CCDC171: variants seen among roughly 807,000 people sequenced by gnomAD.
CCDC171 encodes the protein coiled-coil domain-containing protein 171.
A neutral mutation model predicts 168.2 loss-of-function variants in CCDC171; 177 were observed. That is an observed-to-expected ratio of 1.05 (90% CI 0.93 to 1.19). The LOEUF (loss-of-function observed/expected upper bound fraction) is 1.19, where lower values mean the gene tolerates loss of function less well. CCDC171 is among the 50% of genes most tolerant of loss of function. CCDC171 has a pLI of 0.00. For missense variants in CCDC171, 1,991 were observed against 1,539.0 expected (o/e 1.29, Z -4.91); for synonymous variants, 687 against 540.8 (o/e 1.27, Z -3.75).
intron 16 of CCDC171, among the ~76,000 whole-genome samples, chr9:15,733,727 C>G (rs2054297495): frequency 1.4e-5 from 1 of 70,378 alleles, no homozygotes. Context: ...CTTTTTTCAT[C>G]AATGTCCTGA....
At chr9:15,571,577 G>T (rs1452323071) in intron 2 of CCDC171, 47 bp from the exon 3 acceptor site, 2 of 1,409,238 alleles carry the variant, frequency 1.4e-6, no homozygotes, top group Non-Finnish European at 9.5e-7. Flanking sequence ...GCTCTGAAAT[G>T]TGCTTTATGA....
intron 7 of CCDC171, among the ~76,000 whole-genome samples, chr9:15,646,697 C>T (rs2047067898): frequency 6.6e-6 from 1 of 152,168 alleles, no homozygotes; most frequent in Non-Finnish European, 1.5e-5. Context: ...ACAAGAAGAG[C>T]TAACTATCCT....
At chr9:15,964,175 T>C (rs1362952732) in intron 25 of CCDC171, among the ~76,000 whole-genome samples, 1 of 152,200 alleles carries the variant, frequency 6.6e-6, no homozygotes, top group Non-Finnish European at 1.5e-5. Flanking sequence ...TTTAGAGTTT[T>C]CTCTTACAAC....
At chr9:15,636,198 G>T (rs1388439568) in intron 7 of CCDC171, among the ~76,000 whole-genome samples, 1 of 152,070 alleles carries the variant, frequency 6.6e-6, no homozygotes, top group Non-Finnish European at 1.5e-5. Context: ...GGAGGAAACT[G>T]GGTATGGAGT....
the CCDC171 span, among the ~76,000 whole-genome samples, chr9:16,078,136 C>T: frequency 5.3e-5 from 8 of 151,770 alleles, no homozygotes; most frequent in East Asian, 3.9e-4. Flanking sequence ...GGCTTGATTG[C>T]GGTCATTTCA....
intron 3 of CCDC171, among the ~76,000 whole-genome samples, chr9:15,574,727 G>A (rs1402616596): frequency 6.6e-6 from 1 of 152,198 alleles, no homozygotes; most frequent in Non-Finnish European, 1.5e-5. Flanking sequence ...GCCTTATCAG[G>A]TATTCCTAAT....
intron 25 of CCDC171, among the ~76,000 whole-genome samples, chr9:15,936,690 G>C (rs551013913): frequency 6.6e-6 from 1 of 151,948 alleles, no homozygotes; most frequent in East Asian, 1.9e-4. Flanking sequence ...GAGCCACTGC[G>C]CTCCAGGCAT....
At chr9:16,038,155 C>A (rs984332078), upstream of CCDC171, among the ~76,000 whole-genome samples, 1 of 152,106 alleles carries the variant, frequency 6.6e-6, no homozygotes, top group East Asian at 1.9e-4. Context: ...TAGGAAAAAT[C>A]ACTATCGGTT....
intron 7 of CCDC171, among the ~76,000 whole-genome samples, chr9:15,644,394 T>C (rs1461785760): frequency 6.6e-6 from 1 of 152,032 alleles, no homozygotes; most frequent in Non-Finnish European, 1.5e-5. Context: ...AGATGGTGGG[T>C]GCAGGACAGT....
At chr9:15,630,884 A>G (rs2045624166) in intron 7 of CCDC171, among the ~76,000 whole-genome samples, 1 of 152,242 alleles carries the variant, frequency 6.6e-6, no homozygotes, top group Non-Finnish European at 1.5e-5. Flanking sequence ...AAACTGCTCA[A>G]CTACATGGAA....
intron 2 of CCDC171, among the ~76,000 whole-genome samples, chr9:15,565,084 C>T (rs546294351): frequency 7.4e-6 from 1 of 135,764 alleles, no homozygotes; most frequent in Non-Finnish European, 1.6e-5. Flanking sequence ...ACCCACCCCC[C>T]ACTTTTTTTT....
intron 3 of CCDC171, among the ~76,000 whole-genome samples, chr9:16,013,082 C>G (rs1832914275): frequency 6.6e-6 from 1 of 152,176 alleles, no homozygotes; most frequent in South Asian, 2.1e-4. Context: ...ATGTCCCCAA[C>G]TCTCTTCCTT....
chr9:15,563,221 C>T (rs900868269), intron 1 of CCDC171, among the ~76,000 whole-genome samples: 1 of 151,690 alleles, frequency 6.6e-6, no homozygotes, highest in African/African-American at 2.4e-5. Flanking sequence ...TCACTGCAAC[C>T]TCCGCCTCCC....
intron 6 of CCDC171, among the ~76,000 whole-genome samples, chr9:15,618,687 T>C (rs2044274469): frequency 1.3e-5 from 2 of 152,042 alleles, no homozygotes; most frequent in African/African-American, 4.8e-5. Context: ...ATTGCAAAAA[T>C]CCATGGGAAA....
the CCDC171 span, among the ~76,000 whole-genome samples, chr9:16,089,010 G>T: frequency 6.6e-6 from 1 of 152,082 alleles, no homozygotes; most frequent in African/African-American, 2.4e-5. Context: ...TACCAAAACA[G>T]ATATATAGAC....
chr9:15,571,002 A>G (rs888706996), intron 2 of CCDC171, among the ~76,000 whole-genome samples: 1 of 152,134 alleles, frequency 6.6e-6, no homozygotes, highest in Non-Finnish European at 1.5e-5. Flanking sequence ...CAGACTTTCA[A>G]ATAATTCTCC....
intron 14 of CCDC171, among the ~76,000 whole-genome samples, chr9:15,726,789 T>A (rs1294506489): frequency 6.6e-6 from 1 of 152,110 alleles, no homozygotes; most frequent in Non-Finnish European, 1.5e-5. Flanking sequence ...TTTAAGTTTG[T>A]CTCTTTTAAA....
chr9:15,599,622 G>A (rs2042669446), intron 6 of CCDC171, among the ~76,000 whole-genome samples: 1 of 152,082 alleles, frequency 6.6e-6, no homozygotes, highest in Non-Finnish European at 1.5e-5. Flanking sequence ...TGACAATTAT[G>A]TGTCTTGGAG....
At chr9:15,957,811 C>T (rs1445740317) in intron 25 of CCDC171, among the ~76,000 whole-genome samples, 1 of 152,108 alleles carries the variant, frequency 6.6e-6, no homozygotes, top group African/African-American at 2.4e-5. Flanking sequence ...GGACACTGGC[C>T]AAGATAACTT....
Sources: allele counts gnomAD v4.1 joint callset (sites outside exome capture counted in the v4.1 genomes callset), GRCh38; gene constraint gnomAD v4.1.1; transcripts MANE v1.5; gene names NCBI Gene and HGNC (gene_info 2026-07-23, HGNC 2026-07-21).